The following MANBA variants were observed in gnomAD, a reference collection of about 807,000 sequenced individuals.
MANBA encodes the protein mannosidase beta.
A neutral mutation model predicts 111.1 loss-of-function variants in MANBA; 83 were observed. The observed-to-expected ratio is 0.75, with a 90% CI of 0.63 to 0.90. MANBA has a LOEUF of 0.90. Among genes scored for constraint, MANBA ranks in the 40% least tolerant of loss-of-function variants. The pLI is 0.00. For synonymous variants in MANBA, 370 were observed against 378.7 expected (o/e 0.98, Z 0.27); for missense variants, 1,036 against 1,069.0 (o/e 0.97, Z 0.43).
intron 1 of MANBA, among the ~76,000 whole-genome samples, chr4:102,759,819 G>A (rs1053621691): frequency 6.6e-6 from 1 of 152,090 alleles, no homozygotes; most frequent in Non-Finnish European, 1.5e-5. Flanking sequence ...ATTTCTCTGT[G>A]TTCCATAATT....
chr4:102,705,565 T>G (rs1271647668), intron 5 of MANBA, among the ~76,000 whole-genome samples: 1 of 152,122 alleles, frequency 6.6e-6, no homozygotes, highest in Admixed American at 6.6e-5. Flanking sequence ...CTCCACTACC[T>G]GGAGCGAAAG....
rs890465625 is a variant in MANBA at position 102,752,171 on chromosome 4, T to C, written c.177+8547A>G. 8 of 789,060 alleles carry C rather than the reference T, an allele frequency of 1.0e-5. No homozygotes were observed. The African/African-American group carries it at 1.2e-4, about 12-fold the overall frequency. The allele number at this position is 789,060 out of a possible 1,614,324, so 48.9% of individuals were successfully genotyped here. ...CAAGGAAGCAATTTCCTCAGTTCTG[T>C]GGTCAGATGCTGAAGAAATCTGCAG... On this transcript the variant is annotated intron_variant, in intron 1 of 16. Transcript: ENST00000647097.
intron 11 of MANBA, chr4:102,663,207 G>A (rs1311871207): frequency 6.6e-6 from 1 of 151,958 alleles, no homozygotes; most frequent in Non-Finnish European, 1.5e-5. Flanking sequence ...GCGTCAGACT[G>A]AGTCATGTGC....
At chr4:102,742,422 C>T (rs1428931226) in intron 1 of MANBA, among the ~76,000 whole-genome samples, 1 of 152,068 alleles carries the variant, frequency 6.6e-6, no homozygotes, top group East Asian at 1.9e-4. Flanking sequence ...AGAAACAGTA[C>T]CATATATTGA....
intron 11 of MANBA, among the ~76,000 whole-genome samples, chr4:102,663,911 GA>G: frequency 6.6e-6 from 1 of 152,294 alleles, no homozygotes; most frequent in South Asian, 2.1e-4. Flanking sequence ...GTGGTGCAAA[GA>G]GAACCACTAT....
chr4:102,745,965 TG>T (rs1340120320), intron 1 of MANBA, among the ~76,000 whole-genome samples: 1 of 152,092 alleles, frequency 6.6e-6, no homozygotes, highest in Non-Finnish European at 1.5e-5. Context: ...ACAGGGGTGT[TG>T]GGGGTGGCTC....
chr4:102,672,225 C>T (rs932382626), intron 8 of MANBA: 6 of 396,350 alleles, frequency 1.5e-5, no homozygotes, highest in Admixed American at 4.4e-5. Flanking sequence ...TTACTGATGA[C>T]ATTTACATTC....
chr4:102,654,693 C>G (rs1404725200), intron 12 of MANBA, among the ~76,000 whole-genome samples: 2 of 152,104 alleles, frequency 1.3e-5, no homozygotes, highest in African/African-American at 2.4e-5. Context: ...CTTCCTTGAC[C>G]TTATAAAGGA....
At position 102,632,094 on chromosome 4, in the gene MANBA, T is replaced by C. The variant is rs1444651031; in HGVS notation, c.2603A>G (p.Gln868Arg). 4 of 1,611,086 alleles carry C rather than the reference T, an allele frequency of 2.5e-6. No individual in the cohort carries two copies. The African/African-American group carries it at 4.0e-5, about 16-fold the overall frequency. The stretch of plus-strand genomic sequence containing the variant: ...TGTTAAGGAGGTCACATGAAAAGAT[T>C]GCTCCAACTCATTCTTGCTGGTGGG... The part of the protein sequence containing the change: ...WEPTSKNELE[Q>R]SFHVTSLTDI... The change falls in exon 17 of 17, where the codon CAA (glutamine) becomes CGA (arginine). Residue 868 changes from glutamine to arginine, a missense_variant. Physicochemically the swap from Gln to Arg is conservative, Grantham distance 43 (BLOSUM62 1). Transcript: ENST00000647097.
At chr4:102,646,896 C>T (rs529169106) in intron 13 of MANBA, among the ~76,000 whole-genome samples, 1 of 152,050 alleles carries the variant, frequency 6.6e-6, no homozygotes, top group Non-Finnish European at 1.5e-5. Flanking sequence ...AGGATCCAAA[C>T]GTGAAGAAAT....
chr4:102,658,343 CA>C, intron 11 of MANBA, among the ~76,000 whole-genome samples: 1 of 152,158 alleles, frequency 6.6e-6, no homozygotes. Context: ...ACCCCTCCCC[CA>C]ACCTTGAAAA....
chr4:102,717,037 C>G (rs1722365721), intron 4 of MANBA, among the ~76,000 whole-genome samples: 1 of 152,022 alleles, frequency 6.6e-6, no homozygotes, highest in South Asian at 2.1e-4. Flanking sequence ...ATTTTAGTAT[C>G]TATTTGTAAT....
At chr4:102,693,694 T>C (rs1173857151) in intron 5 of MANBA, among the ~76,000 whole-genome samples, 3 of 152,180 alleles carry the variant, frequency 2.0e-5, no homozygotes, top group Non-Finnish European at 4.4e-5. Flanking sequence ...TTGGTTACCT[T>C]TGCAATACAA....
At chr4:102,732,846 C>G (rs1723079447) in intron 1 of MANBA, among the ~76,000 whole-genome samples, 1 of 152,218 alleles carries the variant, frequency 6.6e-6, no homozygotes, top group African/African-American at 2.4e-5. Context: ...TATAACTCTA[C>G]ACTGTGGACT....
rs781523932 is a variant in MANBA at position 102,760,885 on chromosome 4, G to A, written c.10C>T (p.His4Tyr). 44 of 1,567,808 alleles carry A rather than the reference G, an allele frequency of 2.8e-5. No homozygotes were observed. The South Asian group carries it at 5.0e-4, about 18-fold the overall frequency. MRLHLLLLLALCGA... is the reference protein window; with the variant it reads MRLYLLLLLALCGA... ...CACAGCGCGAGCAGCAGGAGCAGGT[G>A]GAGGCGCATCTTGAGATCCCGCGCC... Residue 4 changes from histidine to tyrosine, a missense_variant, in exon 1 of 17, where the codon CAC becomes TAC. Coordinates refer to ENST00000647097, the MANE Select transcript of MANBA (RefSeq NM_005908.4).
intron 1 of MANBA, chr4:102,751,855 A>G: frequency 1.9e-6 from 1 of 522,818 alleles, no homozygotes; most frequent in East Asian, 4.9e-5. Context: ...AAAAAAAAAG[A>G]TAGTTTGTCT....
chr4:102,740,121 A>G (rs1447069515), intron 1 of MANBA, among the ~76,000 whole-genome samples: 1 of 152,242 alleles, frequency 6.6e-6, no homozygotes, highest in Non-Finnish European at 1.5e-5. Flanking sequence ...AACGTACACA[A>G]ATCAGTAGCA....
At chr4:102,698,735 T>G (rs987855581) in intron 5 of MANBA, among the ~76,000 whole-genome samples, 4 of 151,902 alleles carry the variant, frequency 2.6e-5, no homozygotes, top group African/African-American at 7.3e-5. Context: ...TTGGTACCAG[T>G]ACCATGCTGT....
chr4:102,718,269 A>G (rs1722420484), intron 4 of MANBA, among the ~76,000 whole-genome samples: 1 of 152,234 alleles, frequency 6.6e-6, no homozygotes, highest in South Asian at 2.1e-4. Context: ...ACTGAGCTTT[A>G]GGTCCCTGTG....
Sources: gnomAD v4.1 joint callset for allele counts (sites outside exome capture counted in the v4.1 genomes callset) on GRCh38, gnomAD v4.1.1 for gene constraint, MANE v1.5 for transcripts, NCBI Gene and HGNC (gene_info 2026-07-23, HGNC 2026-07-21) for gene names.